Variants in SPOPL observed in about 807,000 individuals in gnomAD.
The protein encoded by SPOPL is speckle type BTB/POZ protein like.
Under a neutral mutation model 53.8 loss-of-function variants are expected in SPOPL, and 23 were observed. The ratio of observed to expected loss-of-function variants is 0.43; its 90% CI spans 0.31 to 0.61. The LOEUF (loss-of-function observed/expected upper bound fraction) is 0.61. Among genes scored for constraint, SPOPL ranks in the 20% least tolerant of loss-of-function variants. SPOPL has a pLI of 0.12. For missense variants in SPOPL, 442 were observed against 466.9 expected (o/e 0.95, Z 0.49); for synonymous variants, 164 against 149.7 (o/e 1.10, Z -0.70).
At chr2:138,565,540 A>G (rs1685642262) in intron 10 of SPOPL, among the ~76,000 whole-genome samples, 1 of 152,040 alleles carries the variant, frequency 6.6e-6, no homozygotes, top group African/African-American at 2.4e-5. Context: ...GATCTTGTGA[A>G]TATGAACATA....
chr2:138,546,356 T>G (rs1258861756), intron 1 of SPOPL, among the ~76,000 whole-genome samples: 1 of 152,326 alleles, frequency 6.6e-6, no homozygotes, highest in East Asian at 1.9e-4. Context: ...CTTAGTTTCA[T>G]TGTACCCTCT....
intron 1 of SPOPL, among the ~76,000 whole-genome samples, chr2:138,535,903 T>C (rs1412846600): frequency 4.6e-5 from 7 of 152,168 alleles, no homozygotes; most frequent in Admixed American, 3.9e-4. Context: ...TGTTCATATC[T>C]ACTGTTGACC....
chr2:138,563,081 CTATA>C (rs1312925181), intron 8 of SPOPL, among the ~76,000 whole-genome samples: 2 of 152,050 alleles, frequency 1.3e-5, no homozygotes, highest in Non-Finnish European at 2.9e-5. Flanking sequence ...TGTATTCAGA[CTATA>C]TAAAGAATTC....
intron 1 of SPOPL, among the ~76,000 whole-genome samples, chr2:138,509,320 T>A (rs1684279440): frequency 6.6e-6 from 1 of 152,164 alleles, no homozygotes; most frequent in Non-Finnish European, 1.5e-5. Context: ...GGTTAACAAT[T>A]AAAAACAAAG....
At chr2:138,561,405 G>A (rs35628318) in intron 8 of SPOPL, among the ~76,000 whole-genome samples, 15,446 of 151,880 alleles carry the variant, frequency 0.1, 961 homozygotes, top group East Asian at 0.26. Flanking sequence ...TTTTTTTGAA[G>A]GTAGAGAAAC....
At chr2:138,505,351 C>T (rs952950445) in intron 1 of SPOPL, among the ~76,000 whole-genome samples, 7 of 151,968 alleles carry the variant, frequency 4.6e-5, no homozygotes, top group African/African-American at 1.7e-4. Context: ...GATTTGTTAA[C>T]TTAACAAAAG....
intron 1 of SPOPL, among the ~76,000 whole-genome samples, chr2:138,512,313 T>C (rs1357678778): frequency 6.6e-6 from 1 of 152,204 alleles, no homozygotes; most frequent in Non-Finnish European, 1.5e-5. Flanking sequence ...TGCTTTCCTT[T>C]CATCTCTGTT....
At chr2:138,526,143 A>G (rs1684671087) in intron 1 of SPOPL, among the ~76,000 whole-genome samples, 1 of 152,166 alleles carries the variant, frequency 6.6e-6, no homozygotes, top group Admixed American at 6.5e-5. Flanking sequence ...TTTTAAATCA[A>G]TTCTAATGAT....
chr2:138,547,831 T>C (rs983669733), intron 1 of SPOPL, among the ~76,000 whole-genome samples: 1 of 152,200 alleles, frequency 6.6e-6, no homozygotes, highest in East Asian at 1.9e-4. Flanking sequence ...ATATACTATT[T>C]ATATTTATAA....
chr2:138,544,608 C>A (rs1265570707), intron 1 of SPOPL, among the ~76,000 whole-genome samples: 2 of 152,160 alleles, frequency 1.3e-5, no homozygotes, highest in Non-Finnish European at 2.9e-5. Context: ...GTGGGAGTGA[C>A]CCGATTTTCC....
chr2:138,522,085 C>T (rs1684571316), intron 1 of SPOPL, among the ~76,000 whole-genome samples: 2 of 152,144 alleles, frequency 1.3e-5, no homozygotes, highest in African/African-American at 2.4e-5. Context: ...ACCCTTAACA[C>T]CCGGATTGAA....
intron 2 of SPOPL, 38 bp from the exon 3 acceptor site, chr2:138,550,445 C>T: frequency 6.3e-7 from 1 of 1,595,732 alleles, no homozygotes; most frequent in Non-Finnish European, 8.6e-7. Context: ...AAAAGTATTA[C>T]CGTCATCATT....
At chr2:138,563,192 T>C (rs67582138) in intron 8 of SPOPL, among the ~76,000 whole-genome samples, 2 of 152,058 alleles carry the variant, frequency 1.3e-5, no homozygotes, top group Non-Finnish European at 2.9e-5. Flanking sequence ...TAAAAAGATA[T>C]TCTAGTCAAG....
intron 1 of SPOPL, among the ~76,000 whole-genome samples, chr2:138,533,508 T>C (rs1053490948): frequency 6.6e-6 from 1 of 152,162 alleles, no homozygotes; most frequent in Non-Finnish European, 1.5e-5. Flanking sequence ...GAGTGCATGA[T>C]ATATCTAAGC....
chr2:138,535,538 A>T, intron 1 of SPOPL, among the ~76,000 whole-genome samples: 1 of 140,326 alleles, frequency 7.1e-6, no homozygotes, highest in Non-Finnish European at 1.6e-5. Flanking sequence ...TTTTTTTTTT[A>T]ATAGCCATTC....
At chr2:138,557,186 A>T (rs1030149401) in intron 5 of SPOPL, among the ~76,000 whole-genome samples, 1 of 152,122 alleles carries the variant, frequency 6.6e-6, no homozygotes, top group Admixed American at 6.5e-5. Flanking sequence ...CTGGAGATTT[A>T]GGTCTAGTCT....
chr2:138,519,419 G>A (rs78316873), intron 1 of SPOPL, among the ~76,000 whole-genome samples: 1,645 of 149,260 alleles, frequency 0.011, 31 homozygotes, highest in African/African-American at 0.038. Context: ...CTGATTTGTT[G>A]GGCTTTAAAA....
intron 1 of SPOPL, among the ~76,000 whole-genome samples, chr2:138,545,890 G>A (rs1473087924): frequency 1.3e-5 from 2 of 151,968 alleles, no homozygotes; most frequent in Admixed American, 6.6e-5. Flanking sequence ...ACATATCTAC[G>A]AATTTCTACC....
intron 1 of SPOPL, among the ~76,000 whole-genome samples, chr2:138,529,021 G>T (rs1558867253): frequency 6.6e-6 from 1 of 152,188 alleles, no homozygotes; most frequent in Non-Finnish European, 1.5e-5. Flanking sequence ...TCAGGAAAAT[G>T]TTATTTATAC....
Sources: gnomAD v4.1 joint callset for allele counts (sites outside exome capture counted in the v4.1 genomes callset) on GRCh38, gnomAD v4.1.1 for gene constraint, MANE v1.5 for transcripts, NCBI Gene and HGNC (gene_info 2026-07-23, HGNC 2026-07-21) for gene names.